DHTKD1: variants seen among roughly 807,000 people sequenced by gnomAD.
DHTKD1 encodes dehydrogenase E1 and transketolase domain containing 1.
In DHTKD1, 78 loss-of-function variants were observed where a neutral mutation model predicts 101.8. That is an observed-to-expected ratio of 0.77 (90% CI 0.64 to 0.93). The LOEUF is 0.93. Among genes scored for constraint, DHTKD1 ranks in the 40% least tolerant of loss-of-function variants. DHTKD1 has a pLI of 0.00. For missense variants in DHTKD1, 1,223 were observed against 1,161.7 expected, an observed-to-expected ratio of 1.05 and a Z score of -0.77; for synonymous variants, 462 against 450.3, an observed-to-expected ratio of 1.03 and a Z score of -0.33.
At chr10:12,079,670 A>G (rs1564388486) in intron 1 of DHTKD1, among the ~76,000 whole-genome samples, 1 of 151,982 alleles carries the variant, frequency 6.6e-6, no homozygotes, top group East Asian at 1.9e-4. Flanking sequence ...CCATCTCAAG[A>G]AAAAAAATAA....
chr10:12,081,348 AAAAT>A (rs569112793), intron 1 of DHTKD1, 120 bp from the exon 2 acceptor site: 54 of 746,910 alleles, frequency 7.2e-5, no homozygotes, highest in South Asian at 8.8e-5. Context: ...CCCTGTCTCT[AAAAT>A]AAATAAATAA....
intron 6 of DHTKD1, among the ~76,000 whole-genome samples, chr10:12,093,636 T>C (rs1833025135): frequency 6.6e-6 from 1 of 152,210 alleles, no homozygotes. Flanking sequence ...TCCTTTATGA[T>C]TAGTCTGATG....
intron 13 of DHTKD1, among the ~76,000 whole-genome samples, chr10:12,114,097 C>T (rs987882313): frequency 1.0e-4 from 15 of 149,752 alleles, no homozygotes; most frequent in African/African-American, 3.4e-4. Context: ...AGTGCAGTGG[C>T]GTGAAATTTA....
chr10:12,106,221 G>A lies in DHTKD1; in HGVS notation c.1897-25G>A, dbSNP rs761348707. 2.9e-5 allele frequency: 46 copies of A among 1,613,776 alleles called. No individual in the cohort carries two copies. The East Asian group carries it at 5.3e-4, about 19-fold the overall frequency. ...CTCTGCCGTGGCCCTCACATGCAGCGTTTCCTTCTCTTCTCTGGGATTAGG... is the reference window on the plus strand; with the variant it reads ...CTCTGCCGTGGCCCTCACATGCAGCATTTCCTTCTCTTCTCTGGGATTAGG... On this transcript the variant is annotated intron_variant, in intron 10 of 16. Transcript: ENST00000263035.
chr10:12,098,896 C>A (rs558625152), intron 8 of DHTKD1, among the ~76,000 whole-genome samples: 3 of 152,188 alleles, frequency 2.0e-5, no homozygotes, highest in Non-Finnish European at 4.4e-5. Context: ...CTTGGCCAGG[C>A]ACGGTGGCTC....
chr10:12,118,872 G>A lies in DHTKD1; in HGVS notation c.2526G>A (p.Pro842=), dbSNP rs143353830. 1.2e-5 allele frequency: 20 copies of A among 1,604,884 alleles called. No homozygotes were observed. The African/African-American group carries it at 2.2e-4, about 17-fold the overall frequency. The change falls in exon 15 of 17, where the codon CCG becomes CCA. Residue 842 remains proline, a synonymous_variant. Coordinates refer to ENST00000263035, the MANE Select transcript of DHTKD1 (RefSeq NM_018706.7). ...GAGTAGAGGAACTCTGCCCCTTCCC[G>A]TTGGATTCTTTACAGCAAGAGATGA... is the stretch of plus-strand genomic sequence containing the variant. ...IIRVEELCPF[P]LDSLQQEMSK... is the part of the protein sequence containing the mutation.
chr10:12,112,064 C>G (rs575076861), intron 12 of DHTKD1, among the ~76,000 whole-genome samples: 1 of 111,486 alleles, frequency 9.0e-6, no homozygotes, highest in African/African-American at 2.6e-5. Flanking sequence ...CCTGTAATCC[C>G]AGCACTTTGG....
Position 12,110,074 on chromosome 10 carries a change from G to A in DHTKD1, c.2154+2059G>A, listed in dbSNP as rs536865233. ...AGCACTTTGGGAGGCCGAGGCGGGC[G>A]GATCATGAGGTCAGGAGATGAAGAC... On this transcript the variant is annotated intron_variant, in intron 12 of 16. Transcript: ENST00000263035. This position sits in a 1 kb window ranked among gnomAD's most constrained non-coding sequence, Gnocchi z 4.9. Among the ~76,000 whole-genome samples, 178 of 152,220 alleles carry A rather than the reference G, an allele frequency of 1.2e-3. 4 individuals are homozygous for A. The South Asian group carries it at 0.033, about 29-fold the overall frequency.
At chr10:12,111,214 G>A (rs1833324959) in intron 12 of DHTKD1, among the ~76,000 whole-genome samples, 1 of 152,184 alleles carries the variant, frequency 6.6e-6, no homozygotes, top group African/African-American at 2.4e-5. Flanking sequence ...CACCCAGGCT[G>A]TAGTGCAATG....
intron 16 of DHTKD1, among the ~76,000 whole-genome samples, chr10:12,120,557 C>T (rs1057411599): frequency 6.6e-6 from 1 of 152,022 alleles, no homozygotes; most frequent in African/African-American, 2.4e-5. Flanking sequence ...AGGATAGTCT[C>T]AATCTCCTGA....
chr10:12,083,939 T>C (rs1419727273), intron 2 of DHTKD1, among the ~76,000 whole-genome samples: 2 of 151,976 alleles, frequency 1.3e-5, no homozygotes, highest in Non-Finnish European at 2.9e-5. Flanking sequence ...TTTATTTATT[T>C]TGGGACAGAG....
intron 14 of DHTKD1, among the ~76,000 whole-genome samples, chr10:12,118,081 G>A (rs1833448644): frequency 6.6e-6 from 1 of 151,652 alleles, no homozygotes. Flanking sequence ...GTAGAGATGG[G>A]GTTTCACCAT....
rs560347932 is a variant in DHTKD1 at position 12,097,792 on chromosome 10, T to C, written c.1467T>C (p.Asn489=). 1.2e-6 allele frequency: 2 copies of C among 1,614,240 alleles called. No homozygotes were observed. The highest frequency in any genetic ancestry group is 4.5e-5 in the East Asian group (2 of 44,892). The part of the protein sequence containing the change: ...EIKSSYYAKL[N]DHLNNMAHYR... Reference sequence around the variant, plus strand: ...AATCCTCCTACTATGCCAAGTTGAATGATCACTTAAATAACATGGCCCACT... The same window carrying C: ...AATCCTCCTACTATGCCAAGTTGAACGATCACTTAAATAACATGGCCCACT... Residue 489 remains asparagine, a synonymous_variant, in exon 8 of 17, where the codon AAT becomes AAC. Transcript: ENST00000263035.
In DHTKD1 at chr10:12,101,122, A is replaced by G. The variant is rs1215591831; in HGVS notation, c.1837A>G (p.Thr613Ala). 6.2e-7 allele frequency: 1 copy of G among 1,613,992 alleles called. No individual in the cohort carries two copies. The highest frequency in any genetic ancestry group is 8.5e-7 in the Non-Finnish European group (1 of 1,179,954). The change falls in exon 10 of 17, where the codon ACG becomes GCG. Residue 613 changes from threonine to alanine, a missense_variant. Transcript: ENST00000263035. The stretch of plus-strand genomic sequence containing the variant: ...GCATGCAATCGTGGTTTGCCAGGAG[A>G]CGGATGACACCTACATCCCCCTGAA... ...QRHAIVVCQETDDTYIPLNHM... is the reference protein window; with the variant it reads ...QRHAIVVCQEADDTYIPLNHM...
At chr10:12,073,644 A>T (rs1436995372) in intron 1 of DHTKD1, among the ~76,000 whole-genome samples, 1 of 152,086 alleles carries the variant, frequency 6.6e-6, no homozygotes, top group Non-Finnish European at 1.5e-5. Context: ...TTTTCTCATA[A>T]GCTATCTCTC....
chr10:12,077,468 G>A (rs1364680185), intron 1 of DHTKD1, among the ~76,000 whole-genome samples: 1 of 151,982 alleles, frequency 6.6e-6, no homozygotes, highest in African/African-American at 2.4e-5. Flanking sequence ...CTCAGGTGAT[G>A]AGGTCACCTT....
At chr10:12,090,120 T>C (rs1209358033) in intron 5 of DHTKD1, among the ~76,000 whole-genome samples, 1 of 152,214 alleles carries the variant, frequency 6.6e-6, no homozygotes, top group Non-Finnish European at 1.5e-5. Context: ...TGGGCTGTGG[T>C]CATGTTTCTT....
At chr10:12,116,139 C>T (rs948467506) in intron 13 of DHTKD1, 4 of 152,128 alleles carry the variant, frequency 2.6e-5, no homozygotes, top group African/African-American at 9.7e-5. Flanking sequence ...CCATGTGGGC[C>T]AGGCTGGTCT....
chr10:12,072,015 T>C (rs1832657702), intron 1 of DHTKD1, among the ~76,000 whole-genome samples: 1 of 152,232 alleles, frequency 6.6e-6, no homozygotes, highest in Non-Finnish European at 1.5e-5. Context: ...GATCTTTCTA[T>C]GTCACCTAGT....
Sources: gnomAD v4.1 joint callset for allele counts (sites outside exome capture counted in the v4.1 genomes callset) on GRCh38, gnomAD v4.1.1 for gene constraint, Gnocchi (gnomAD v3.1) non-coding constraint, MANE v1.5 for transcripts, NCBI Gene and HGNC (gene_info 2026-07-23, HGNC 2026-07-21) for gene names.